LRRC4C: variants seen among roughly 807,000 people sequenced by gnomAD.
LRRC4C encodes leucine-rich repeat-containing protein 4C.
A neutral mutation model predicts 33.6 loss-of-function variants in LRRC4C; 5 were observed. That is an observed-to-expected ratio of 0.15 (90% CI 0.08 to 0.31). The LOEUF is 0.31. LRRC4C is among the 10% of genes least tolerant of loss of function. The pLI, the probability that LRRC4C is intolerant of heterozygous loss-of-function variation, is 1.00. For synonymous variants in LRRC4C, 329 were observed against 302.0 expected (o/e 1.09, Z -0.93); for missense variants, 560 against 796.7 (o/e 0.70, Z 3.58).
In LRRC4C at chr11:41,082,409, C is replaced by A. The variant is rs1384940563; in HGVS notation, c.-495-148686G>T. ...GATAGCAGTGACTGGCAATCTACCA[C>A]CCCACTCAAATCTCACGCTTTTTTT... On this transcript the variant is annotated intron_variant, in intron 1 of 6. Transcript: ENST00000528697. Among the ~76,000 whole-genome samples, 3 of 149,712 alleles carry A rather than the reference C, an allele frequency of 2.0e-5. No homozygotes were observed. The East Asian group carries it at 6.0e-4, about 30-fold the overall frequency.
At chr11:40,516,298 A>C (rs955440854) in intron 3 of LRRC4C, among the ~76,000 whole-genome samples, 15 of 152,004 alleles carry the variant, frequency 9.9e-5, no homozygotes, top group African/African-American at 3.6e-4. Context: ...ACTAATTAAG[A>C]CTAAGAGTTT....
At chr11:40,665,267 C>A (rs1943660722) in intron 2 of LRRC4C, among the ~76,000 whole-genome samples, 1 of 135,464 alleles carries the variant, frequency 7.4e-6, no homozygotes, top group African/African-American at 2.9e-5. Context: ...AAGAAACAAC[C>A]AGCTTGAGAA....
chr11:41,010,891 A>G (rs1318082016), intron 1 of LRRC4C, among the ~76,000 whole-genome samples: 2 of 152,140 alleles, frequency 1.3e-5, no homozygotes, highest in Non-Finnish European at 2.9e-5. Flanking sequence ...TGAGTCTTGG[A>G]TGCTCTTACT....
At chr11:40,238,815 G>T in intron 5 of LRRC4C, among the ~76,000 whole-genome samples, 1 of 152,018 alleles carries the variant, frequency 6.6e-6, no homozygotes, top group Non-Finnish European at 1.5e-5. Flanking sequence ...TATTTTATTT[G>T]CTAAGGAGGT....
At chr11:40,489,683 T>C (rs904283420) in intron 3 of LRRC4C, among the ~76,000 whole-genome samples, 2 of 152,168 alleles carry the variant, frequency 1.3e-5, no homozygotes, top group African/African-American at 4.8e-5. Context: ...ACCCCCTTTA[T>C]TGTTCAGCAA....
At chr11:41,221,878 T>C (rs539665118) in intron 1 of LRRC4C, among the ~76,000 whole-genome samples, 1 of 152,280 alleles carries the variant, frequency 6.6e-6, no homozygotes, top group Admixed American at 6.5e-5. Context: ...GAGGACAGAA[T>C]GCAAAGCCTG....
intron 1 of LRRC4C, among the ~76,000 whole-genome samples, chr11:40,992,012 T>C (rs1002236486): frequency 6.6e-6 from 1 of 152,146 alleles, no homozygotes; most frequent in African/African-American, 2.4e-5. Flanking sequence ...GATATGAAAA[T>C]CTCATTGGTA....
chr11:40,203,175 C>T (rs1026734557), intron 5 of LRRC4C, among the ~76,000 whole-genome samples: 36 of 151,950 alleles, frequency 2.4e-4, no homozygotes, highest in African/African-American at 8.7e-4. Flanking sequence ...TTTGTGGCTC[C>T]CTGAAAGAAC....
chr11:40,578,962 A>G (rs1958340357), intron 3 of LRRC4C, among the ~76,000 whole-genome samples: 1 of 152,174 alleles, frequency 6.6e-6, no homozygotes, highest in African/African-American at 2.4e-5. Flanking sequence ...TTGGCCAAAA[A>G]TTCCTTAGAT....
At chr11:40,613,330 C>T (rs143033876) in intron 3 of LRRC4C, among the ~76,000 whole-genome samples, 231 of 151,916 alleles carry the variant, frequency 1.5e-3, no homozygotes, top group Admixed American at 3.8e-3. Context: ...GTTGTCATTT[C>T]GACAATGTTC....
chr11:40,114,973 G>T lies in LRRC4C; in HGVS notation c.1320C>A (p.Thr440=). Reference sequence around the variant, plus strand: ...TAGTGGTTGCTGCAGTAACATTCAGGGTGGCTGAAGCAGTAGTATTCCCAA... The same window carrying T: ...TAGTGGTTGCTGCAGTAACATTCAGTGTGGCTGAAGCAGTAGTATTCCCAA... ...NSVGNTTASA[T]LNVTAATTTP... Residue 440 remains threonine (T), a synonymous_variant, in exon 7 of 7, where the codon ACC becomes ACA. Transcript: ENST00000528697. The T allele has an allele frequency of 6.2e-7, 1 of 1,614,174 alleles. No homozygotes were observed. Among genetic ancestry groups the T allele is most frequent in the Non-Finnish European group, 8.5e-7 (1 of 1,180,034 alleles).
At chr11:40,383,406 C>T (rs1948972088) in intron 3 of LRRC4C, among the ~76,000 whole-genome samples, 1 of 152,082 alleles carries the variant, frequency 6.6e-6, no homozygotes, top group Admixed American at 6.5e-5. Context: ...TATGGCAATT[C>T]TATTTTTAAT....
At chr11:41,154,114 G>T (rs1193621583) in intron 1 of LRRC4C, among the ~76,000 whole-genome samples, 3 of 152,098 alleles carry the variant, frequency 2.0e-5, no homozygotes, top group Admixed American at 6.6e-5. Context: ...ATAAATTTCT[G>T]TTGTTTCAAG....
At chr11:41,126,516 T>A (rs1942749952) in intron 1 of LRRC4C, among the ~76,000 whole-genome samples, 1 of 151,966 alleles carries the variant, frequency 6.6e-6, no homozygotes, top group Admixed American at 6.6e-5. Context: ...TTTTGCATGC[T>A]GAAGAGAAAG....
At chr11:41,231,711 A>T (rs1462779553) in intron 1 of LRRC4C, among the ~76,000 whole-genome samples, 2 of 151,958 alleles carry the variant, frequency 1.3e-5, no homozygotes, top group Non-Finnish European at 2.9e-5. Context: ...ACGTGTATAC[A>T]TATGTAACAA....
At chr11:40,274,386 T>C (rs764655912) in intron 4 of LRRC4C, among the ~76,000 whole-genome samples, 7 of 148,122 alleles carry the variant, frequency 4.7e-5, no homozygotes, top group Non-Finnish European at 8.9e-5. Context: ...GAAGCTAGTA[T>C]GAAATTAAGT....
intron 1 of LRRC4C, among the ~76,000 whole-genome samples, chr11:41,101,707 C>G (rs917509062): frequency 6.6e-6 from 1 of 152,102 alleles, no homozygotes; most frequent in African/African-American, 2.4e-5. Flanking sequence ...CATATGTTCA[C>G]TGCAGCACTA....
At chr11:40,270,438 T>A (rs1942607166) in intron 4 of LRRC4C, among the ~76,000 whole-genome samples, 1 of 151,962 alleles carries the variant, frequency 6.6e-6, no homozygotes, top group South Asian at 2.1e-4. Context: ...TCATTTTGCA[T>A]TAGGGCCCAC....
intron 3 of LRRC4C, among the ~76,000 whole-genome samples, chr11:40,484,092 G>T (rs1446569028): frequency 6.6e-6 from 1 of 151,872 alleles, no homozygotes; most frequent in Non-Finnish European, 1.5e-5. Flanking sequence ...GGAGAGAAAG[G>T]GCTATTCTCA....
Sources: gnomAD v4.1 joint callset for allele counts (sites outside exome capture counted in the v4.1 genomes callset) on GRCh38, gnomAD v4.1.1 for gene constraint, MANE v1.5 for transcripts, NCBI Gene and HGNC (gene_info 2026-07-23, HGNC 2026-07-21) for gene names.